The following IL19 variants were observed in gnomAD, a reference collection of about 807,000 sequenced individuals.
IL19 encodes interleukin 19.
In IL19, 15 loss-of-function variants were observed where a neutral mutation model predicts 19.5. That is an observed-to-expected ratio of 0.77 (90% confidence interval 0.52 to 1.19). IL19 has a LOEUF of 1.19. Ranked by LOEUF, IL19 falls within the 50% of genes most tolerant of loss-of-function variation. The pLI is 0.00. For synonymous variants in IL19, 78 were observed against 78.3 expected (o/e 1.00, Z 0.02); for missense variants, 199 against 213.1 (o/e 0.93, Z 0.41).
At chr1:206,812,161 A>C (rs1000952924) in intron 2 of IL19, among the ~76,000 whole-genome samples, 3 of 152,220 alleles carry the variant, frequency 2.0e-5, no homozygotes, top group African/African-American at 7.2e-5. Flanking sequence ...TTATACTTTG[A>C]ATCACAGAAC....
At chr1:206,774,376 G>A (rs1231907649) in intron 1 of IL19, among the ~76,000 whole-genome samples, 1 of 152,198 alleles carries the variant, frequency 6.6e-6, no homozygotes, top group African/African-American at 2.4e-5. Context: ...TCTGAGTTCT[G>A]CTGCCAGGAA....
chr1:206,827,795 T>C (rs1676476832), intron 2 of IL19, among the ~76,000 whole-genome samples: 2 of 152,168 alleles, frequency 1.3e-5, no homozygotes, highest in African/African-American at 4.8e-5. Context: ...CCAGATGCTC[T>C]TTCATGTCTG....
At chr1:206,834,770 T>C (rs905373225) in intron 2 of IL19, among the ~76,000 whole-genome samples, 1 of 152,294 alleles carries the variant, frequency 6.6e-6, no homozygotes, top group Admixed American at 6.5e-5. Context: ...GGTTCAGAAA[T>C]GGGTTCCTGT....
At chr1:206,806,854 C>T (rs1454655273) in intron 2 of IL19, among the ~76,000 whole-genome samples, 1 of 152,140 alleles carries the variant, frequency 6.6e-6, no homozygotes, top group Non-Finnish European at 1.5e-5. Context: ...TACATGTCAT[C>T]CAATGGTCTA....
rs144719259 is a variant in IL19, at chr1:206,842,569, G to A, written c.481G>A (p.Asp161Asn). The change falls in exon 7 of 7, where the codon GAC becomes AAC. Residue 161 changes from aspartate to asparagine, a missense_variant. By Grantham distance (23) the Asp-to-Asn change is conservative. Coordinates refer to ENST00000659997, the MANE Select transcript of IL19 (RefSeq NM_153758.5). ...TGCCATTAAATCCCTGGGAGAGCTC[G>A]ACGTCTTTCTAGCCTGGATTAATAA... Reference protein sequence around the residue: ...AAAIKSLGELDVFLAWINKNH... With the variant: ...AAAIKSLGELNVFLAWINKNH... 1.0e-4 allele frequency: 165 copies of A among 1,577,222 alleles called. No homozygotes were observed. The highest frequency in any genetic ancestry group is 6.6e-4 in the Middle Eastern group (4 of 6,030).
intron 2 of IL19, among the ~76,000 whole-genome samples, chr1:206,806,334 A>G (rs1468825383): frequency 3.0e-5 from 3 of 101,260 alleles, no homozygotes; most frequent in African/African-American, 1.3e-4. Flanking sequence ...TAGGCTAAAT[A>G]ACATCACATT....
At chr1:206,792,897 T>C (rs572803471) in intron 1 of IL19, among the ~76,000 whole-genome samples, 33 of 152,352 alleles carry the variant, frequency 2.2e-4, no homozygotes, top group Middle Eastern at 3.4e-3. Flanking sequence ...GAGGCCACAC[T>C]CTGCTGTCCC....
At chr1:206,815,988 T>G (rs964763828) in intron 2 of IL19, among the ~76,000 whole-genome samples, 9 of 152,130 alleles carry the variant, frequency 5.9e-5, no homozygotes, top group African/African-American at 2.2e-4. Flanking sequence ...TGTTTAAAGT[T>G]TCCAAGAACC....
chr1:206,824,693 C>T (rs955233658), intron 2 of IL19, among the ~76,000 whole-genome samples: 5 of 152,154 alleles, frequency 3.3e-5, no homozygotes, highest in Admixed American at 6.5e-5. Context: ...AACTGAGGCA[C>T]AGAGAGATTA....
chr1:206,797,303 G>C (rs926042063), intron 1 of IL19, among the ~76,000 whole-genome samples: 5 of 152,134 alleles, frequency 3.3e-5, no homozygotes, highest in African/African-American at 1.2e-4. Flanking sequence ...CAGGCAGGAA[G>C]GGAATTCATG....
intron 4 of IL19, among the ~76,000 whole-genome samples, 197 bp from the exon 5 acceptor site, chr1:206,839,653 G>T (rs1676931346): frequency 6.6e-6 from 1 of 152,132 alleles, no homozygotes; most frequent in Non-Finnish European, 1.5e-5. Context: ...GGGAGAACTG[G>T]AATCTCTTCT....
At chr1:206,803,716 A>G (rs1265707875) in intron 2 of IL19, among the ~76,000 whole-genome samples, 1 of 152,212 alleles carries the variant, frequency 6.6e-6, no homozygotes, top group Non-Finnish European at 1.5e-5. Flanking sequence ...GCTTGCAATG[A>G]GGTTTTTCAA....
In IL19 at chr1:206,788,274, T is replaced by C. The variant is rs1344050429; in HGVS notation, c.-148-10587T>C. Among the ~76,000 whole-genome samples, 3 of 152,202 alleles carry C rather than the reference T, an allele frequency of 2.0e-5. No individual in the cohort carries two copies. The East Asian group carries it at 5.8e-4, about 29-fold the overall frequency. On this transcript the variant is annotated intron_variant, in intron 1 of 6. Coordinates refer to ENST00000659997, the MANE Select transcript of IL19 (RefSeq NM_153758.5). ...CTAAGACATGTCCTGACCCAAGCCC[T>C]AGACCCCAAGCAAGGCCAATGGCAA...
rs1677061463 is a variant in IL19, at chr1:206,842,753, A to G, written c.*131A>G. 1.6e-6 allele frequency: 1 copy of G among 608,152 alleles called. No homozygotes were observed. The highest frequency in any genetic ancestry group is 2.9e-6 in the Non-Finnish European group (1 of 343,662). 37.7% of individuals were successfully genotyped at this position (608,152 alleles called of 1,614,324 possible). ...GCTGAAAGTCCCACTGGCTGGCCTC[A>G]GGCTGTCTTATTCCGCTTGAAAATA... On this transcript the variant is annotated 3_prime_UTR_variant, in exon 7 of 7. Coordinates refer to ENST00000659997, the MANE Select transcript of IL19 (RefSeq NM_153758.5).
chr1:206,821,298 A>G (rs1676284677), intron 2 of IL19, among the ~76,000 whole-genome samples: 2 of 152,376 alleles, frequency 1.3e-5, no homozygotes, highest in East Asian at 3.9e-4. Context: ...AAAGAGCCAC[A>G]GTGAAGCAGG....
intron 2 of IL19, chr1:206,834,063 G>A: frequency 1.0e-6 from 1 of 985,484 alleles, no homozygotes; most frequent in Non-Finnish European, 1.2e-6. Flanking sequence ...AGTGACCTAA[G>A]TTGGATTTTT....
At chr1:206,841,786 AG>A (rs2102493692) in intron 6 of IL19, among the ~76,000 whole-genome samples, 1 of 152,332 alleles carries the variant, frequency 6.6e-6, no homozygotes, top group South Asian at 2.1e-4. Flanking sequence ...GTATTGCTCT[AG>A]GCACACAACA....
At chr1:206,795,626 A>G (rs576055919) in intron 1 of IL19, among the ~76,000 whole-genome samples, 2 of 152,270 alleles carry the variant, frequency 1.3e-5, no homozygotes, top group African/African-American at 4.8e-5. Flanking sequence ...TCCTCATTCT[A>G]TGGATGGGCA....
At chr1:206,799,738 C>G (rs1482827274) in intron 2 of IL19, among the ~76,000 whole-genome samples, 1 of 152,154 alleles carries the variant, frequency 6.6e-6, no homozygotes, top group African/African-American at 2.4e-5. Flanking sequence ...AGCCAGGAGA[C>G]CAGGGTCACA....
Sources: gnomAD v4.1 joint callset for allele counts (sites outside exome capture counted in the v4.1 genomes callset) on GRCh38, gnomAD v4.1.1 for gene constraint, MANE v1.5 for transcripts, NCBI Gene and HGNC (gene_info 2026-07-23, HGNC 2026-07-21) for gene names.